Variants in PTPRM observed in about 807,000 individuals in gnomAD.
The protein encoded by PTPRM is protein tyrosine phosphatase receptor type M.
PTPRM carries 47 observed loss-of-function variants against 186.7 expected under a neutral mutation model. The ratio of observed to expected loss-of-function variants is 0.25; its 90% CI spans 0.20 to 0.32. The LOEUF is 0.32. PTPRM is among the 10% of genes least tolerant of loss of function. PTPRM has a pLI of 1.00. For synonymous variants in PTPRM, 668 were observed against 674.9 expected, an observed-to-expected ratio of 0.99 and a Z score of 0.16; for missense variants, 1,494 against 1,865.0, an observed-to-expected ratio of 0.80 and a Z score of 3.66.
At chr18:8,244,730 C>A (rs1311011076) in intron 15 of PTPRM, among the ~76,000 whole-genome samples, 1 of 152,188 alleles carries the variant, frequency 6.6e-6, no homozygotes, top group Non-Finnish European at 1.5e-5. Context: ...TGTAAACCAA[C>A]CTCAGCTACT....
chr18:7,676,319 A>T (rs2039334414), intron 1 of PTPRM, among the ~76,000 whole-genome samples: 1 of 152,138 alleles, frequency 6.6e-6, no homozygotes, highest in South Asian at 2.1e-4. Flanking sequence ...ATTAAGGAAA[A>T]AAAAGTTTGG....
intron 14 of PTPRM, among the ~76,000 whole-genome samples, chr18:8,148,424 G>A (rs1238219237): frequency 6.6e-6 from 1 of 152,138 alleles, no homozygotes; most frequent in East Asian, 1.9e-4. Flanking sequence ...AGATTTTCTA[G>A]TTTATTTGCA....
At chr18:7,618,538 C>T (rs1259753286) in intron 1 of PTPRM, among the ~76,000 whole-genome samples, 1 of 152,040 alleles carries the variant, frequency 6.6e-6, no homozygotes, top group African/African-American at 2.4e-5. Context: ...AAAAGCAATA[C>T]AAAAAACCTG....
intron 2 of PTPRM, among the ~76,000 whole-genome samples, chr18:7,867,542 T>C (rs2047772066): frequency 6.6e-6 from 1 of 152,248 alleles, no homozygotes; most frequent in Non-Finnish European, 1.5e-5. Context: ...CTCTTCTGGC[T>C]TGTAGGGTTT....
chr18:7,975,525 C>T (rs1262218856), intron 7 of PTPRM, among the ~76,000 whole-genome samples: 1 of 152,170 alleles, frequency 6.6e-6, no homozygotes, highest in Non-Finnish European at 1.5e-5. Context: ...TGTATAATTT[C>T]AACTACGGTA....
chr18:8,326,559 A>T (rs2095377987), intron 22 of PTPRM, among the ~76,000 whole-genome samples: 1 of 152,216 alleles, frequency 6.6e-6, no homozygotes, highest in Non-Finnish European at 1.5e-5. Flanking sequence ...AGTAACCAAA[A>T]CAGCATGGTA....
intron 5 of PTPRM, among the ~76,000 whole-genome samples, chr18:7,931,953 C>T (rs1268037574): frequency 6.6e-6 from 1 of 152,240 alleles, no homozygotes; most frequent in African/African-American, 2.4e-5. Context: ...AGTTACAAGA[C>T]CTGTGGCATG....
At chr18:8,182,506 T>A (rs2093589576) in intron 14 of PTPRM, among the ~76,000 whole-genome samples, 1 of 152,244 alleles carries the variant, frequency 6.6e-6, no homozygotes, top group Non-Finnish European at 1.5e-5. Flanking sequence ...TACCCTTTTC[T>A]CTTGCACTTA....
At chr18:8,368,253 TTGAAA>T (rs1363711931) in intron 23 of PTPRM, among the ~76,000 whole-genome samples, 1 of 151,622 alleles carries the variant, frequency 6.6e-6, no homozygotes, top group Non-Finnish European at 1.5e-5. Flanking sequence ...CTGGACACTC[TTGAAA>T]TGAAATCATT....
At chr18:8,140,916 A>C (rs1157316435) in intron 13 of PTPRM, among the ~76,000 whole-genome samples, 1 of 152,232 alleles carries the variant, frequency 6.6e-6, no homozygotes, top group East Asian at 1.9e-4. Flanking sequence ...TTTGCCAAGC[A>C]GTTTAGAAAT....
intron 14 of PTPRM, among the ~76,000 whole-genome samples, chr18:8,182,881 CTG>C (rs2093595049): frequency 6.6e-6 from 1 of 152,202 alleles, no homozygotes; most frequent in African/African-American, 2.4e-5. Flanking sequence ...TCGTATAGCA[CTG>C]TGAGTGTGCA....
intron 1 of PTPRM, among the ~76,000 whole-genome samples, chr18:7,697,110 G>T (rs1371468802): frequency 6.6e-6 from 1 of 152,176 alleles, no homozygotes; most frequent in African/African-American, 2.4e-5. Context: ...TTATCCATAT[G>T]TGCCATTTTA....
intron 14 of PTPRM, among the ~76,000 whole-genome samples, chr18:8,201,822 C>T (rs1238517269): frequency 6.6e-6 from 1 of 152,116 alleles, no homozygotes; most frequent in Non-Finnish European, 1.5e-5. Flanking sequence ...GATAGGGATT[C>T]GACATATGAA....
chr18:8,178,425 T>G (rs2093519121), intron 14 of PTPRM, among the ~76,000 whole-genome samples: 1 of 152,360 alleles, frequency 6.6e-6, no homozygotes, highest in Middle Eastern at 3.4e-3. Context: ...CTTGTTATAC[T>G]TGGCCTGATT....
intron 14 of PTPRM, among the ~76,000 whole-genome samples, chr18:8,146,200 T>A (rs1340263131): frequency 6.6e-6 from 1 of 152,076 alleles, no homozygotes; most frequent in Non-Finnish European, 1.5e-5. Flanking sequence ...ATTTTTGTAT[T>A]TTTAGTAGAG....
At chr18:7,730,407 T>C (rs186304055) in intron 1 of PTPRM, among the ~76,000 whole-genome samples, 1 of 152,302 alleles carries the variant, frequency 6.6e-6, no homozygotes, top group East Asian at 1.9e-4. Flanking sequence ...CCTCAAGTTA[T>C]GAATTAGTGT....
chr18:7,579,605 C>T (rs1013519389), intron 1 of PTPRM, among the ~76,000 whole-genome samples: 4 of 152,142 alleles, frequency 2.6e-5, no homozygotes, highest in African/African-American at 9.7e-5. Flanking sequence ...TTGGTGACCT[C>T]TAGTAAATGT....
chr18:7,833,953 A>C (rs2045894571), intron 2 of PTPRM, among the ~76,000 whole-genome samples: 1 of 152,290 alleles, frequency 6.6e-6, no homozygotes, highest in African/African-American at 2.4e-5. Context: ...GCTTAATTTC[A>C]GTTCTCTTGC....
intron 20 of PTPRM, among the ~76,000 whole-genome samples, chr18:8,297,504 T>C (rs958619091): frequency 6.6e-6 from 1 of 152,238 alleles, no homozygotes; most frequent in Non-Finnish European, 1.5e-5. Context: ...ACGGTAGCCA[T>C]GAGCCACATA....
Sources: allele counts gnomAD v4.1 joint callset (sites outside exome capture counted in the v4.1 genomes callset), GRCh38; gene constraint gnomAD v4.1.1; transcripts MANE v1.5; gene names NCBI Gene and HGNC (gene_info 2026-07-23, HGNC 2026-07-21).